Variants in KIAA1958 observed in about 807,000 individuals in gnomAD.
KIAA1958 encodes KIAA1958.
KIAA1958 carries 14 observed loss-of-function variants against 47.2 expected under a neutral mutation model. That is an observed-to-expected ratio of 0.30 (90% confidence interval 0.20 to 0.46). The LOEUF (loss-of-function observed/expected upper bound fraction) is 0.46, where lower values mean the gene tolerates loss of function less well. KIAA1958 is among the 20% of genes least tolerant of loss of function. The probability of loss-of-function intolerance (pLI) is 1.00; values close to 1 mark genes in which losing one functional copy is unlikely to be tolerated. For synonymous variants in KIAA1958, 354 were observed against 353.3 expected (o/e 1.00, Z -0.02); for missense variants, 803 against 909.2 (o/e 0.88, Z 1.50).
intron 2 of KIAA1958, among the ~76,000 whole-genome samples, chr9:112,595,524 G>A (rs1249828159): frequency 6.6e-6 from 1 of 151,928 alleles, no homozygotes; most frequent in Non-Finnish European, 1.5e-5. Flanking sequence ...AGCCGAGTGT[G>A]GTGGTGCATA....
intron 1 of KIAA1958, among the ~76,000 whole-genome samples, chr9:112,543,997 T>C (rs1169605283): frequency 6.6e-6 from 1 of 152,236 alleles, no homozygotes; most frequent in East Asian, 1.9e-4. Context: ...TTTATTTGTA[T>C]TGCTATTTTG....
chr9:112,633,293 C>T (rs552273289), intron 2 of KIAA1958, among the ~76,000 whole-genome samples: 29 of 151,484 alleles, frequency 1.9e-4, no homozygotes, highest in Non-Finnish European at 3.2e-4. Context: ...ACTTCAGAAA[C>T]ACCCTAACAA....
intron 1 of KIAA1958, among the ~76,000 whole-genome samples, chr9:112,519,700 C>A (rs1379924942): frequency 6.6e-6 from 1 of 152,142 alleles, no homozygotes; most frequent in African/African-American, 2.4e-5. Context: ...TCCTTCAGTT[C>A]TTTGAGGCTT....
chr9:112,525,924 CT>C (rs1564159377), intron 1 of KIAA1958, among the ~76,000 whole-genome samples: 1 of 1,628 alleles, frequency 6.1e-4, no homozygotes, highest in Non-Finnish European at 8.6e-4. Flanking sequence ...ATTCTTTCTT[CT>C]TCTTCTTCTT....
At chr9:112,659,231 A>T (rs527793524) in intron 3 of KIAA1958, 32 bp from the exon 4 acceptor site, 1 of 1,575,308 alleles carries the variant, frequency 6.3e-7, no homozygotes, top group Non-Finnish European at 8.6e-7. Context: ...GTGAGTGTCA[A>T]GTGTGTAACC....
At chr9:112,563,778 G>A (rs1233658409) in intron 1 of KIAA1958, among the ~76,000 whole-genome samples, 1 of 151,972 alleles carries the variant, frequency 6.6e-6, no homozygotes, top group Non-Finnish European at 1.5e-5. Context: ...TTGAATAAGA[G>A]TGATACAGGT....
Position 112,659,769 on chromosome 9 carries a change from CT to C in KIAA1958, c.1852del (p.Tyr618ThrfsTer37). On this transcript the variant is annotated frameshift_variant, in exon 4 of 4. Transcript: ENST00000337530. LOFTEE classifies it high-confidence loss of function. ...GSTRVCHGKI[Y>X]HEHSRGHKQC... ...CCACCAGAGTGTGTCACGGGAAGAT[CT>C]ACCATGAGCATTCCCGGGGACACAA... 1 of 1,614,152 alleles carries C rather than the reference CT, an allele frequency of 6.2e-7. No homozygotes were observed. Among genetic ancestry groups the C allele is most frequent in the Non-Finnish European group, 8.5e-7 (1 of 1,180,030 alleles).
At chr9:112,656,570 G>A (rs1162655264) in intron 3 of KIAA1958, among the ~76,000 whole-genome samples, 4 of 151,974 alleles carry the variant, frequency 2.6e-5, no homozygotes, top group South Asian at 2.1e-4. Context: ...ATTTTACTTC[G>A]GGGAGTTTAT....
At chr9:112,633,582 G>A (rs1229202473) in intron 2 of KIAA1958, among the ~76,000 whole-genome samples, 5 of 152,018 alleles carry the variant, frequency 3.3e-5, no homozygotes, top group Admixed American at 3.3e-4. Context: ...CCACCACCTG[G>A]AGGGAGACAT....
intron 2 of KIAA1958, among the ~76,000 whole-genome samples, chr9:112,595,248 G>A (rs1357648517): frequency 1.3e-5 from 2 of 152,162 alleles, no homozygotes; most frequent in East Asian, 3.8e-4. Context: ...AAGTGACGAA[G>A]CTATAGCACT....
chr9:112,559,890 G>C (rs1485751114), intron 1 of KIAA1958, among the ~76,000 whole-genome samples: 2 of 152,128 alleles, frequency 1.3e-5, no homozygotes, highest in Non-Finnish European at 2.9e-5. Flanking sequence ...AATATTGCTA[G>C]TCATCACATG....
chr9:112,586,933 T>TC (rs1835836790), intron 2 of KIAA1958, among the ~76,000 whole-genome samples: 1 of 152,162 alleles, frequency 6.6e-6, no homozygotes, highest in African/African-American at 2.4e-5. Flanking sequence ...AATTCAAATG[T>TC]TATTGCCGTG....
chr9:112,612,985 C>G (rs1191705133), intron 2 of KIAA1958, among the ~76,000 whole-genome samples: 1 of 152,156 alleles, frequency 6.6e-6, no homozygotes, highest in Non-Finnish European at 1.5e-5. Context: ...ATCTCTAATA[C>G]ATAGTGGTAA....
chr9:112,541,381 C>T (rs1834939383), intron 1 of KIAA1958, among the ~76,000 whole-genome samples: 1 of 150,658 alleles, frequency 6.6e-6, no homozygotes, highest in Admixed American at 6.6e-5. Flanking sequence ...AAAAGCAATC[C>T]TAAAATGTAG....
intron 1 of KIAA1958, among the ~76,000 whole-genome samples, chr9:112,505,737 A>G (rs1834223353): frequency 6.6e-6 from 1 of 152,234 alleles, no homozygotes; most frequent in Non-Finnish European, 1.5e-5. Flanking sequence ...ATTTAGGTAA[A>G]TGGCCTGAGT....
intron 1 of KIAA1958, among the ~76,000 whole-genome samples, chr9:112,573,103 C>A (rs764801319): frequency 3.7e-4 from 56 of 152,168 alleles, no homozygotes; most frequent in Non-Finnish European, 6.2e-4. Context: ...TTGCAGACTC[C>A]ACATGTCCCC....
chr9:112,635,584 ACTTT>A (rs971022558), intron 2 of KIAA1958, among the ~76,000 whole-genome samples: 107 of 151,850 alleles, frequency 7.0e-4, no homozygotes, highest in African/African-American at 2.5e-3. Flanking sequence ...GACTTTTCAA[ACTTT>A]CTTTCTTACC....
At chr9:112,493,284 A>G (rs962449041) in intron 1 of KIAA1958, among the ~76,000 whole-genome samples, 2 of 152,050 alleles carry the variant, frequency 1.3e-5, no homozygotes, top group East Asian at 3.9e-4. Flanking sequence ...TTCTCCTGAA[A>G]TCCACATCTT....
chr9:112,493,203 G>T (rs940239056), intron 1 of KIAA1958, among the ~76,000 whole-genome samples: 1 of 151,264 alleles, frequency 6.6e-6, no homozygotes, highest in African/African-American at 2.4e-5. Context: ...TGCTCTCATG[G>T]TAAGTTATGC....
Sources: allele counts gnomAD v4.1 joint callset (sites outside exome capture counted in the v4.1 genomes callset), GRCh38; gene constraint gnomAD v4.1.1; transcripts MANE v1.5; gene names NCBI Gene and HGNC (gene_info 2026-07-23, HGNC 2026-07-21).